Variants in ME1 observed in about 807,000 individuals in gnomAD.
ME1 encodes malic enzyme 1.
ME1 carries 74 observed loss-of-function variants against 66.4 expected under a neutral mutation model. That is an observed-to-expected ratio of 1.11 (90% confidence interval 0.92 to 1.35). The LOEUF is 1.35. ME1 is among the 40% of genes most tolerant of loss of function. ME1 has a pLI of 0.00. For missense variants in ME1, 750 were observed against 694.1 expected, an observed-to-expected ratio of 1.08 and a Z score of -0.90; for synonymous variants, 251 against 235.6, an observed-to-expected ratio of 1.07 and a Z score of -0.60.
At chr6:83,299,887 A>C (rs1187338567) in intron 6 of ME1, among the ~76,000 whole-genome samples, 1 of 152,112 alleles carries the variant, frequency 6.6e-6, no homozygotes, top group Non-Finnish European at 1.5e-5. Flanking sequence ...AGTTCTGTTT[A>C]TGTGATGGAT....
intron 1 of ME1, among the ~76,000 whole-genome samples, chr6:83,427,628 A>G (rs966423496): frequency 2.6e-5 from 4 of 152,370 alleles, no homozygotes; most frequent in South Asian, 2.1e-4. Context: ...TCATTCATTA[A>G]GTAAACATTT....
At chr6:83,280,131 A>G (rs773094229) in intron 6 of ME1, among the ~76,000 whole-genome samples, 5 of 152,184 alleles carry the variant, frequency 3.3e-5, no homozygotes, top group Non-Finnish European at 7.4e-5. Flanking sequence ...AAAGAAAATG[A>G]TATGTCAGGA....
In ME1 at chr6:83,429,362, T is replaced by A. The variant is rs1245359275; in HGVS notation, c.78+1515A>T. ...GCTCATGCCATCTACATACTCTTAA[T>A]AGACACTCTTGCCCCCAACTTGAGG... On this transcript the variant is annotated intron_variant, in intron 1 of 13. Transcript: ENST00000369705. Among the ~76,000 whole-genome samples, 3 of 152,324 alleles carry A rather than the reference T, an allele frequency of 2.0e-5. No individual in the cohort carries two copies. In the East Asian group the frequency reaches 5.8e-4, roughly 29 times the overall value.
At chr6:83,302,600 C>T (rs1455784370) in intron 6 of ME1, among the ~76,000 whole-genome samples, 3 of 152,038 alleles carry the variant, frequency 2.0e-5, no homozygotes, top group African/African-American at 7.2e-5. Flanking sequence ...GTGATACATG[C>T]TATTTTGGTG....
Position 83,359,402 on chromosome 6 carries a change from G to A in ME1, c.363-7263C>T, listed in dbSNP as rs776558651. On this transcript the variant is annotated intron_variant, in intron 3 of 13. Coordinates refer to ENST00000369705, the MANE Select transcript of ME1 (RefSeq NM_002395.6). ...TCCCATTTATATCAGCAGAAATCTG[G>A]AGAACAGGCATGTGAGTGGATATTA... Among the ~76,000 whole-genome samples, 7 of 152,278 alleles carry A rather than the reference G, an allele frequency of 4.6e-5. No homozygotes were observed. In the East Asian group the frequency reaches 1.2e-3, roughly 25 times the overall value.
chr6:83,429,922 C>T (rs985001175), intron 1 of ME1, among the ~76,000 whole-genome samples: 3 of 152,102 alleles, frequency 2.0e-5, no homozygotes, highest in Admixed American at 1.3e-4. Context: ...GTCCAAAGCG[C>T]ACGCACACAC....
intron 9 of ME1, among the ~76,000 whole-genome samples, chr6:83,236,925 G>A (rs1051022373): frequency 6.6e-6 from 1 of 152,016 alleles, no homozygotes; most frequent in Middle Eastern, 3.2e-3. Flanking sequence ...CTGGCCAAGT[G>A]CAGTGGTTCA....
intron 5 of ME1, among the ~76,000 whole-genome samples, chr6:83,324,967 A>C (rs1197654245): frequency 1.3e-5 from 2 of 151,440 alleles, no homozygotes; most frequent in Non-Finnish European, 2.9e-5. Flanking sequence ...AAAGTCCTCA[A>C]TAAAATACTT....
chr6:83,299,101 G>A (rs983868287), intron 6 of ME1, among the ~76,000 whole-genome samples: 1 of 151,490 alleles, frequency 6.6e-6, no homozygotes, highest in Non-Finnish European at 1.5e-5. Context: ...GGTTTCACAC[G>A]AATTTTAAAG....
chr6:83,305,418 T>A (rs1048164818), intron 6 of ME1, among the ~76,000 whole-genome samples: 9 of 152,152 alleles, frequency 5.9e-5, no homozygotes, highest in African/African-American at 2.2e-4. Flanking sequence ...CAGGTTTCAG[T>A]ATTACATAGG....
intron 6 of ME1, among the ~76,000 whole-genome samples, chr6:83,280,944 G>A (rs149541570): frequency 1.3e-5 from 2 of 152,178 alleles, no homozygotes; most frequent in African/African-American, 2.4e-5. Flanking sequence ...TCCCTGTTGA[G>A]GACTAATAAA....
intron 9 of ME1, among the ~76,000 whole-genome samples, chr6:83,237,493 G>C (rs1435328181): frequency 2.0e-5 from 3 of 152,168 alleles, no homozygotes; most frequent in Non-Finnish European, 4.4e-5. Context: ...TCAATTCAAA[G>C]GGGTGTAAGG....
chr6:83,253,033 C>T (rs76053835), intron 7 of ME1, among the ~76,000 whole-genome samples: 9,320 of 152,194 alleles, frequency 0.061, 881 homozygotes, highest in African/African-American at 0.21. Flanking sequence ...TTCTCCTCAG[C>T]TCATCTACCT....
chr6:83,232,014 T>C (rs761217580), intron 9 of ME1, among the ~76,000 whole-genome samples: 7 of 152,198 alleles, frequency 4.6e-5, no homozygotes, highest in Non-Finnish European at 8.8e-5. Flanking sequence ...CACATGTTTA[T>C]AGTGGGCATA....
intron 3 of ME1, among the ~76,000 whole-genome samples, chr6:83,394,948 A>G (rs192988100): frequency 5.3e-5 from 8 of 152,318 alleles, no homozygotes; most frequent in African/African-American, 1.7e-4. Context: ...AAGATCATTT[A>G]ATTTTGACTC....
intron 6 of ME1, among the ~76,000 whole-genome samples, chr6:83,303,116 G>C (rs1374127928): frequency 2.0e-5 from 3 of 152,068 alleles, no homozygotes; most frequent in African/African-American, 7.2e-5. Flanking sequence ...CAATAATGGG[G>C]TCACAGAAGA....
intron 8 of ME1, among the ~76,000 whole-genome samples, chr6:83,238,446 C>T (rs1450895086): frequency 6.6e-6 from 1 of 152,038 alleles, no homozygotes. Flanking sequence ...AATTCTTCTG[C>T]CTAGTTGAGT....
chr6:83,308,471 A>C (rs544950706), intron 6 of ME1, among the ~76,000 whole-genome samples: 12 of 142,178 alleles, frequency 8.4e-5, no homozygotes, highest in Admixed American at 7.6e-4. Context: ...GGGGCAACTG[A>C]TTCTGTAAAA....
chr6:83,343,163 C>A (rs897778771), intron 5 of ME1, among the ~76,000 whole-genome samples: 3 of 152,186 alleles, frequency 2.0e-5, no homozygotes, highest in Non-Finnish European at 2.9e-5. Flanking sequence ...TCCTCCCACC[C>A]TCTATCCTGA....
Sources: allele counts gnomAD v4.1 joint callset (sites outside exome capture counted in the v4.1 genomes callset), GRCh38; gene constraint gnomAD v4.1.1; transcripts MANE v1.5; gene names NCBI Gene and HGNC (gene_info 2026-07-23, HGNC 2026-07-21).